SEMA3C: variants seen among roughly 807,000 people sequenced by gnomAD.
SEMA3C encodes semaphorin 3C.
Under a neutral mutation model 89.4 loss-of-function variants are expected in SEMA3C, and 47 were observed. That is an observed-to-expected ratio of 0.53 (90% CI 0.42 to 0.67). The LOEUF is 0.67. Ranked by LOEUF, SEMA3C falls within the 30% of genes least tolerant of loss-of-function variation. SEMA3C has a pLI of 0.00. For synonymous variants in SEMA3C, 310 were observed against 320.2 expected (o/e 0.97, Z 0.34); for missense variants, 839 against 929.1 (o/e 0.90, Z 1.26).
chr7:80,919,431 C>T, upstream of SEMA3C: 2 of 956,780 alleles, frequency 2.1e-6, no homozygotes, highest in Non-Finnish European at 2.5e-6. Context: ...CAGGCTTTGC[C>T]TGGCCGTAAA....
upstream of SEMA3C, among the ~76,000 whole-genome samples, chr7:80,919,727 T>A (rs3762016): frequency 0.099 from 14,976 of 151,966 alleles, 1,343 homozygotes; most frequent in African/African-American, 0.24. Flanking sequence ...TAGCTGGGAC[T>A]ACAGGCTCCC....
intron 5 of SEMA3C, among the ~76,000 whole-genome samples, chr7:80,814,739 T>C (rs1789558368): frequency 6.6e-6 from 1 of 152,106 alleles, no homozygotes; most frequent in African/African-American, 2.4e-5. Flanking sequence ...AGGCTGAAAA[T>C]AACAAACAAG....
chr7:80,765,781 G>A (rs939287526), intron 12 of SEMA3C, among the ~76,000 whole-genome samples: 1 of 152,068 alleles, frequency 6.6e-6, no homozygotes, highest in Admixed American at 6.5e-5. Context: ...GTTTCACCAT[G>A]TTAGCCAGGA....
chr7:80,916,926 C>T (rs1188339639), intron 1 of SEMA3C, 107 bp from the exon 2 acceptor site: 1 of 851,992 alleles, frequency 1.2e-6, no homozygotes, highest in Non-Finnish European at 1.8e-6. Context: ...ACCATCTGAA[C>T]TTTTACAGTA....
intron 2 of SEMA3C, among the ~76,000 whole-genome samples, chr7:80,913,986 G>A (rs1035305345): frequency 3.3e-5 from 5 of 152,182 alleles, no homozygotes; most frequent in Non-Finnish European, 7.3e-5. Context: ...GAGAGAGACA[G>A]GCAGAGGACC....
chr7:80,838,890 A>ATG, intron 2 of SEMA3C, among the ~76,000 whole-genome samples: 1 of 152,282 alleles, frequency 6.6e-6, no homozygotes, highest in South Asian at 2.1e-4. Flanking sequence ...TACAACTGAG[A>ATG]TGAGATTTCA....
At chr7:80,894,053 A>C (rs1283327602) in intron 2 of SEMA3C, among the ~76,000 whole-genome samples, 1 of 152,182 alleles carries the variant, frequency 6.6e-6, no homozygotes, top group Non-Finnish European at 1.5e-5. Context: ...CCCAAGGATA[A>C]ACAATCTACT....
intron 11 of SEMA3C, among the ~76,000 whole-genome samples, chr7:80,791,629 G>T (rs1400677193): frequency 6.6e-6 from 1 of 152,168 alleles, no homozygotes; most frequent in East Asian, 1.9e-4. Context: ...TTATCCAGCT[G>T]ACTGCTTCTA....
At chr7:80,810,495 A>G (rs1035388708) in intron 6 of SEMA3C, 116 bp downstream of exon 6, 2 of 670,404 alleles carry the variant, frequency 3.0e-6, no homozygotes, top group South Asian at 2.0e-5. Flanking sequence ...AACTTTCTTC[A>G]TATTATTTTA....
chr7:80,748,610 AT>A (rs2117026653), intron 17 of SEMA3C, among the ~76,000 whole-genome samples: 2 of 152,224 alleles, frequency 1.3e-5, no homozygotes. Flanking sequence ...ATTTGCACAC[AT>A]CTTGTTTCTT....
intron 2 of SEMA3C, among the ~76,000 whole-genome samples, chr7:80,886,197 G>C (rs1190523437): frequency 6.6e-6 from 1 of 151,442 alleles, no homozygotes; most frequent in Non-Finnish European, 1.5e-5. Context: ...CACATATCAA[G>C]TCTACCTTTT....
At chr7:80,800,170 A>G (rs1583889319) in intron 10 of SEMA3C, among the ~76,000 whole-genome samples, 1 of 151,272 alleles carries the variant, frequency 6.6e-6, no homozygotes, top group Non-Finnish European at 1.5e-5. Context: ...AAAAAAAAAA[A>G]GACAGAAAAA....
At chr7:80,785,320 C>CT (rs1788777104) in intron 12 of SEMA3C, among the ~76,000 whole-genome samples, 1 of 152,154 alleles carries the variant, frequency 6.6e-6, no homozygotes. Context: ...TAAGTTTCCC[C>CT]TATGGCATCT....
chr7:80,753,186 G>A (rs540111619), intron 15 of SEMA3C, among the ~76,000 whole-genome samples: 10 of 152,124 alleles, frequency 6.6e-5, no homozygotes, highest in Non-Finnish European at 1.3e-4. Context: ...CTGTACACAC[G>A]AAAACAGTGA....
intron 2 of SEMA3C, among the ~76,000 whole-genome samples, chr7:80,830,643 GAAC>G (rs1052385695): frequency 2.2e-4 from 34 of 152,102 alleles, no homozygotes; most frequent in Admixed American, 5.9e-4. Context: ...CAGCATACAA[GAAC>G]AAAAGACAGG....
intron 12 of SEMA3C, among the ~76,000 whole-genome samples, chr7:80,766,993 A>G (rs187815004): frequency 1.5e-3 from 222 of 152,290 alleles, no homozygotes; most frequent in Non-Finnish European, 1.5e-3. Flanking sequence ...GGGGAGAAGG[A>G]GTCCAAGACC....
rs568618394 is a variant in SEMA3C at position 80,865,626 on chromosome 7, A to G, written c.104-36881T>C. ...AACATGGCGAAACCCCGTCTCTACT[A>G]AAAATGCAAGAAAAAAAAATTAGCC... is the stretch of plus-strand genomic sequence containing the variant. On this transcript the variant is annotated intron_variant, in intron 2 of 17. Transcript: ENST00000265361. Among the ~76,000 whole-genome samples the G allele has an allele frequency of 3.9e-5, 6 of 152,172 alleles. No homozygotes were observed. In the East Asian group the frequency reaches 1.2e-3, roughly 30 times the overall value.
chr7:80,856,444 A>C (rs1790642054), intron 2 of SEMA3C, among the ~76,000 whole-genome samples: 1 of 151,180 alleles, frequency 6.6e-6, no homozygotes, highest in Non-Finnish European at 1.5e-5. Flanking sequence ...AAGCAGAGAA[A>C]GGCTGGCACT....
intron 14 of SEMA3C, 136 bp downstream of exon 14, chr7:80,761,480 A>G (rs776637350): frequency 2.9e-5 from 14 of 474,828 alleles, no homozygotes; most frequent in Admixed American, 1.3e-4. Context: ...ATTAAAGGTG[A>G]CTTTGCGGTA....
Sources: gnomAD v4.1 joint callset for allele counts (sites outside exome capture counted in the v4.1 genomes callset) on GRCh38, gnomAD v4.1.1 for gene constraint, MANE v1.5 for transcripts, NCBI Gene and HGNC (gene_info 2026-07-23, HGNC 2026-07-21) for gene names.